MTFR1: variants seen among roughly 807,000 people sequenced by gnomAD.
MTFR1 encodes mitochondrial fission regulator 1, also known as chondrocyte protein with a poly-proline region.
A neutral mutation model predicts 38.8 loss-of-function variants in MTFR1; 28 were observed. The observed-to-expected ratio is 0.72, with a 90% CI of 0.53 to 0.99. The LOEUF (loss-of-function observed/expected upper bound fraction) is 0.99. Ranked by LOEUF, MTFR1 falls within the 50% of genes least tolerant of loss-of-function variation. MTFR1 has a pLI of 0.00. For synonymous variants in MTFR1, 145 were observed against 137.0 expected, an observed-to-expected ratio of 1.06 and a Z score of -0.41; for missense variants, 358 against 395.5, an observed-to-expected ratio of 0.91 and a Z score of 0.81.
intron 3 of MTFR1, among the ~76,000 whole-genome samples, chr8:65,740,776 T>TCCCCA (rs1268797857): frequency 2.6e-5 from 4 of 152,086 alleles, no homozygotes; most frequent in African/African-American, 7.2e-5. Context: ...GGTACAACTA[T>TCCCCA]CCCCACCCCA....
At chr8:65,706,892 C>T (rs1045572268) in intron 5 of MTFR1, 118 bp from the exon 6 acceptor site, 26 of 1,120,158 alleles carry the variant, frequency 2.3e-5, no homozygotes, top group South Asian at 2.2e-4. Context: ...ATAACTGAAA[C>T]GTTAAGAATA....
intron 3 of MTFR1, among the ~76,000 whole-genome samples, chr8:65,753,552 C>T (rs1351390189): frequency 7.0e-6 from 1 of 143,200 alleles, no homozygotes; most frequent in Non-Finnish European, 1.5e-5. Flanking sequence ...AAAATTAAGA[C>T]TTCTTTGTGT....
chr8:65,698,560 CT>C (rs1805513951), intron 4 of MTFR1, among the ~76,000 whole-genome samples: 1 of 151,862 alleles, frequency 6.6e-6, no homozygotes, highest in African/African-American at 2.4e-5. Context: ...TAAAAAAAAA[CT>C]TTTAGGTTCG....
At chr8:65,686,783 C>A (rs556478735) in intron 3 of MTFR1, among the ~76,000 whole-genome samples, 1 of 151,832 alleles carries the variant, frequency 6.6e-6, no homozygotes, top group Non-Finnish European at 1.5e-5. Context: ...ATTAGCCGGG[C>A]GTGGTGGCAA....
At chr8:65,767,306 C>A (rs1364881840) in intron 3 of MTFR1, among the ~76,000 whole-genome samples, 3 of 152,140 alleles carry the variant, frequency 2.0e-5, no homozygotes, top group Non-Finnish European at 4.4e-5. Context: ...GATACATTTC[C>A]AACTGCATGA....
At chr8:65,754,833 C>T (rs1391809948) in intron 3 of MTFR1, among the ~76,000 whole-genome samples, 1 of 148,814 alleles carries the variant, frequency 6.7e-6, no homozygotes, top group Non-Finnish European at 1.5e-5. Context: ...GGCATGGTGG[C>T]ATGCACCTGT....
Position 65,707,853 on chromosome 8 carries a change from G to A in MTFR1, c.775G>A (p.Asp259Asn), listed in dbSNP as rs1029756314. 2 of 1,614,004 alleles carry A rather than the reference G, an allele frequency of 1.2e-6. No homozygotes were observed. Among genetic ancestry groups the A allele is most frequent in the Non-Finnish European group, 1.7e-6 (2 of 1,179,952 alleles). ...GTTCACTTCTCTAAGGTCAGAGCAA[G>A]ATGTGAAGCCCAAGCCAGTGGATGC... is the stretch of plus-strand genomic sequence containing the variant. ...KLRSVKRSEQ[D>N]VKPKPVDATD... The change falls in exon 7 of 8, where the codon GAT becomes AAT. Residue 259 changes from aspartate to asparagine, a missense_variant. Transcript: ENST00000262146.
intron 4 of MTFR1, among the ~76,000 whole-genome samples, chr8:65,698,811 C>A (rs1352124201): frequency 6.6e-6 from 1 of 152,002 alleles, no homozygotes; most frequent in Non-Finnish European, 1.5e-5. Context: ...TCACTGCAAC[C>A]TCCACCTCCT....
chr8:65,775,380 T>A (rs1809230465), downstream of MTFR1, among the ~76,000 whole-genome samples: 1 of 152,272 alleles, frequency 6.6e-6, no homozygotes, highest in Non-Finnish European at 1.5e-5. Context: ...TATTTCATTC[T>A]TTCTCATTTA....
intron 3 of MTFR1, among the ~76,000 whole-genome samples, chr8:65,767,037 C>CAAT (rs1808823586): frequency 6.7e-6 from 1 of 150,342 alleles, no homozygotes; most frequent in African/African-American, 2.5e-5. Context: ...ACAACAACAA[C>CAAT]GCCTGGACCA....
intron 2 of MTFR1, among the ~76,000 whole-genome samples, chr8:65,677,215 G>A (rs6992679): frequency 5.7e-4 from 87 of 151,330 alleles, no homozygotes; most frequent in African/African-American, 1.9e-3. Flanking sequence ...GACTACAGGC[G>A]TGTGCCACCA....
intron 1 of MTFR1, among the ~76,000 whole-genome samples, chr8:65,661,950 CAA>C (rs1372822700): frequency 6.6e-6 from 1 of 151,842 alleles, no homozygotes; most frequent in African/African-American, 2.4e-5. Context: ...GGCAACAGAG[CAA>C]GAGTCCGTCT....
chr8:65,686,164 C>T (rs1045854970), intron 3 of MTFR1, among the ~76,000 whole-genome samples: 3 of 152,138 alleles, frequency 2.0e-5, no homozygotes, highest in Non-Finnish European at 4.4e-5. Context: ...AATATGCTAG[C>T]ATGTGATGTC....
chr8:65,740,785 C>CA (rs1807390417), intron 3 of MTFR1, among the ~76,000 whole-genome samples: 1 of 152,154 alleles, frequency 6.6e-6, no homozygotes, highest in Non-Finnish European at 1.5e-5. Flanking sequence ...ATCCCCACCC[C>CA]ACCCCACCAA....
chr8:65,770,326 T>C (rs1252494482), intron 3 of MTFR1, among the ~76,000 whole-genome samples: 2 of 152,206 alleles, frequency 1.3e-5, no homozygotes, highest in Non-Finnish European at 2.9e-5. Context: ...TCCATGTGGC[T>C]GGGGAGGCCT....
At chr8:65,739,738 C>A (rs1263871529) in intron 3 of MTFR1, 1 of 916,304 alleles carries the variant, frequency 1.1e-6, no homozygotes, top group Non-Finnish European at 1.4e-6. Flanking sequence ...TATGCATCTT[C>A]TTACCAGTTA....
intron 2 of MTFR1, among the ~76,000 whole-genome samples, chr8:65,715,828 G>A (rs1189612140): frequency 6.7e-6 from 1 of 149,806 alleles, no homozygotes; most frequent in Non-Finnish European, 1.5e-5. Context: ...TACTAATAAA[G>A]TACAAAAAAA....
intron 2 of MTFR1, chr8:65,719,220 C>T: frequency 9.7e-6 from 10 of 1,030,604 alleles, no homozygotes; most frequent in South Asian, 7.8e-5. Context: ...GTTAAGTTCT[C>T]TCACCTCAAG....
chr8:65,712,224 TG>T (rs1464271246), downstream of MTFR1, among the ~76,000 whole-genome samples: 1 of 152,190 alleles, frequency 6.6e-6, no homozygotes, highest in Non-Finnish European at 1.5e-5. Context: ...AGAGCATGGT[TG>T]GAAATCATTC....
Sources: gnomAD v4.1 joint callset for allele counts (sites outside exome capture counted in the v4.1 genomes callset) on GRCh38, gnomAD v4.1.1 for gene constraint, MANE v1.5 for transcripts, NCBI Gene and HGNC (gene_info 2026-07-23, HGNC 2026-07-21) for gene names.